Variants in MOSMO observed in about 807,000 individuals in gnomAD.
MOSMO encodes the protein modulator of smoothened protein.
A neutral mutation model predicts 18.4 loss-of-function variants in MOSMO; 5 were observed. The ratio of observed to expected loss-of-function variants is 0.27; its 90% confidence interval spans 0.14 to 0.57. The LOEUF (loss-of-function observed/expected upper bound fraction) is 0.57. Ranked by LOEUF, MOSMO falls within the 20% of genes least tolerant of loss-of-function variation. MOSMO has a pLI of 0.92. For missense variants in MOSMO, 138 were observed against 211.8 expected (o/e 0.65, Z 2.16); for synonymous variants, 82 against 82.3 (o/e 1.00, Z 0.02).
At chr16:22,037,594 C>T (rs549503559) in intron 1 of MOSMO, among the ~76,000 whole-genome samples, 6 of 152,294 alleles carry the variant, frequency 3.9e-5, no homozygotes, top group South Asian at 2.1e-4. Flanking sequence ...TTGCAAGCCT[C>T]GGGTTGTTTT....
rs1555519290 is a variant in MOSMO, at chr16:22,008,412, G to GCA, written c.106+6_106+7insAC. ...TCAACACCGGGGAGTCTGCGGGTGAGCCGCTGGCGCGCCGGGCCGGGCGGG... is the reference window on the plus strand; with the variant it reads ...TCAACACCGGGGAGTCTGCGGGTGAGCACCGCTGGCGCGCCGGGCCGGGCGGG... On this transcript the variant is annotated splice_donor_region_variant and intron_variant, in intron 1 of 2. Transcript: ENST00000542527. The GCA allele has an allele frequency of 1.6e-6, 2 of 1,278,258 alleles. No individual in the cohort carries two copies. The highest frequency in any genetic ancestry group is 1.7e-5 in the South Asian group (1 of 59,292). 79.2% of individuals were successfully genotyped at this position (1,278,258 alleles called of 1,614,324 possible).
downstream of MOSMO, among the ~76,000 whole-genome samples, chr16:22,090,859 C>T (rs951308884): frequency 2.5e-4 from 38 of 152,144 alleles, no homozygotes; most frequent in Middle Eastern, 3.2e-3. Flanking sequence ...TCTGCTTTAT[C>T]CACCTGGCAG....
intron 1 of MOSMO, among the ~76,000 whole-genome samples, chr16:22,056,699 A>G (rs1049166764): frequency 1.3e-5 from 2 of 151,872 alleles, no homozygotes; most frequent in Admixed American, 6.6e-5. Flanking sequence ...CCTCCTTTCA[A>G]ATTAGACAAA....
intron 1 of MOSMO, among the ~76,000 whole-genome samples, chr16:22,012,854 C>A (rs1899560577): frequency 6.6e-6 from 1 of 151,464 alleles, no homozygotes; most frequent in Non-Finnish European, 1.5e-5. Context: ...TTGTCTTGGT[C>A]TAGATACAGA....
At position 22,076,025 on chromosome 16, in the gene MOSMO, A is replaced by G. The variant is rs1398829146; in HGVS notation, c.319+326A>G. ...TTTTCCTCTTCTTGAAGCTATTGGT[A>G]TCATCTATCAAAATAAAGATAAGTA... On this transcript the variant is annotated intron_variant, in intron 2 of 2. Transcript: ENST00000542527. 6 of 252,876 alleles carry G rather than the reference A, an allele frequency of 2.4e-5. No homozygotes were observed. The South Asian group carries it at 2.8e-4, about 12-fold the overall frequency. The allele number at this position is 252,876 out of a possible 1,614,324, so 15.7% of individuals were successfully genotyped here.
chr16:22,008,509 G>A (rs1899440663), intron 1 of MOSMO, 102 bp downstream of exon 1: 3 of 736,806 alleles, frequency 4.1e-6, no homozygotes, highest in Admixed American at 2.7e-5. Context: ...GGTCCCGGCC[G>A]GAGGCTAGCC....
rs1293163023 is a variant in MOSMO, at chr16:22,083,133, GA to G, written c.*2255del. The G allele has an allele frequency of 2.0e-5, 3 of 152,208 alleles. No homozygotes were observed. The highest frequency in any genetic ancestry group is 1.3e-4 in the Admixed American group (2 of 15,286). 9.4% of individuals were successfully genotyped at this position (152,208 alleles called of 1,614,324 possible). ...CAAGAGCTTTTCTCTTCCAAAAGAT[GA>G]ATTGTATTGTAAATAGTTTCTCAAA... On this transcript the variant is annotated 3_prime_UTR_variant, in exon 3 of 3. Transcript: ENST00000542527.
At chr16:22,048,608 CTTA>C (rs1900362038) in intron 1 of MOSMO, among the ~76,000 whole-genome samples, 1 of 151,928 alleles carries the variant, frequency 6.6e-6, no homozygotes. Flanking sequence ...TAAATTTTTT[CTTA>C]TTAATGTTTG....
intron 1 of MOSMO, among the ~76,000 whole-genome samples, chr16:22,071,361 A>T (rs1900847937): frequency 6.6e-6 from 1 of 152,222 alleles, no homozygotes; most frequent in African/African-American, 2.4e-5. Context: ...CTCTCTGGCC[A>T]GGTTGGCAAG....
chr16:22,010,726 C>T (rs1367624833), intron 1 of MOSMO, among the ~76,000 whole-genome samples: 1 of 151,946 alleles, frequency 6.6e-6, no homozygotes, highest in African/African-American at 2.4e-5. Context: ...TGAGACCATC[C>T]TGGCCAACAT....
At chr16:22,028,255 T>G (rs914764761) in intron 1 of MOSMO, among the ~76,000 whole-genome samples, 2 of 152,122 alleles carry the variant, frequency 1.3e-5, no homozygotes, top group African/African-American at 4.8e-5. Flanking sequence ...TTTATTATGA[T>G]TACTCAGTTG....
intron 1 of MOSMO, among the ~76,000 whole-genome samples, chr16:22,074,767 T>C (rs1000951252): frequency 2.6e-5 from 4 of 152,230 alleles, no homozygotes; most frequent in African/African-American, 9.6e-5. Flanking sequence ...ATTACCTTCA[T>C]AATTTGCCTT....
At chr16:22,029,405 T>C (rs1421647727) in intron 1 of MOSMO, among the ~76,000 whole-genome samples, 2 of 152,084 alleles carry the variant, frequency 1.3e-5, no homozygotes, top group East Asian at 1.9e-4. Flanking sequence ...ATGTATGTCA[T>C]TGTAGATCTT....
At chr16:22,012,724 A>C (rs2141977697) in intron 1 of MOSMO, among the ~76,000 whole-genome samples, 1 of 145,882 alleles carries the variant, frequency 6.9e-6, no homozygotes, top group East Asian at 2.0e-4. Context: ...TACTTGAACT[A>C]CCATAGAAGG....
At chr16:22,087,007 A>T (rs1184692923), downstream of MOSMO, 1 of 152,212 alleles carries the variant, frequency 6.6e-6, no homozygotes, top group Non-Finnish European at 1.5e-5. Context: ...TGGTTACTTT[A>T]TTAATAAGTA....
At chr16:22,037,819 A>T (rs1383593316) in intron 1 of MOSMO, among the ~76,000 whole-genome samples, 1 of 152,206 alleles carries the variant, frequency 6.6e-6, no homozygotes, top group East Asian at 1.9e-4. Context: ...CTCTCCTGGC[A>T]TACCACCCTC....
chr16:22,030,462 T>A (rs1216916078), intron 1 of MOSMO, among the ~76,000 whole-genome samples: 3 of 152,242 alleles, frequency 2.0e-5, no homozygotes, highest in African/African-American at 4.8e-5. Context: ...TGCATATTTC[T>A]TAGGCAAATT....
chr16:22,026,726 A>G (rs371289503), intron 1 of MOSMO, among the ~76,000 whole-genome samples: 1 of 152,234 alleles, frequency 6.6e-6, no homozygotes, highest in East Asian at 1.9e-4. Flanking sequence ...AATAGCAATA[A>G]AACTAGGACA....
At chr16:22,056,780 G>A (rs532106844) in intron 1 of MOSMO, among the ~76,000 whole-genome samples, 70 of 152,158 alleles carry the variant, frequency 4.6e-4, no homozygotes, top group African/African-American at 1.4e-3. Flanking sequence ...AGCCTAGTCC[G>A]TTAGGAACCA....
Sources: allele counts gnomAD v4.1 joint callset (sites outside exome capture counted in the v4.1 genomes callset), GRCh38; gene constraint gnomAD v4.1.1; transcripts MANE v1.5; gene names NCBI Gene and HGNC (gene_info 2026-07-23, HGNC 2026-07-21).